Variants in MLIP observed in about 807,000 individuals in gnomAD.
MLIP encodes muscular LMNA interacting protein, also known as muscular LMNA-interacting protein.
A neutral mutation model predicts 84.8 loss-of-function variants in MLIP; 79 were observed. That is an observed-to-expected ratio of 0.93 (90% CI 0.78 to 1.12). The LOEUF (loss-of-function observed/expected upper bound fraction) is 1.12, where lower values mean the gene tolerates loss of function less well. Ranked by LOEUF, MLIP falls within the 50% of genes most tolerant of loss-of-function variation. The pLI is 0.00. For missense variants in MLIP, 1,257 were observed against 1,160.6 expected (o/e 1.08, Z -1.21); for synonymous variants, 504 against 463.0 (o/e 1.09, Z -1.14).
intron 1 of MLIP, chr6:54,019,243 C>T (rs1763366887): frequency 4.0e-6 from 3 of 750,492 alleles, no homozygotes; most frequent in Non-Finnish European, 6.6e-6. Flanking sequence ...CATGGGCTTT[C>T]CTGAAAATAA....
At chr6:54,169,622 T>C (rs758840745) in intron 9 of MLIP, 50 bp downstream of exon 9, 1 of 1,306,682 alleles carries the variant, frequency 7.7e-7, no homozygotes, top group South Asian at 1.4e-5. Flanking sequence ...GGTGCCTGTG[T>C]ATGCTTTAGA....
chr6:54,089,087 C>T (rs1263154137), intron 1 of MLIP, among the ~76,000 whole-genome samples: 2 of 152,138 alleles, frequency 1.3e-5, no homozygotes, highest in Admixed American at 1.3e-4. Flanking sequence ...CGACATACAA[C>T]ATTAGCCTCT....
chr6:54,242,078 T>A (rs1196905236), intron 12 of MLIP, among the ~76,000 whole-genome samples: 2 of 152,206 alleles, frequency 1.3e-5, no homozygotes, highest in Non-Finnish European at 2.9e-5. Context: ...GATTAGGGGT[T>A]GGCATACCTA....
intron 1 of MLIP, among the ~76,000 whole-genome samples, chr6:54,030,406 A>G (rs575627793): frequency 1.1e-4 from 17 of 152,280 alleles, no homozygotes; most frequent in African/African-American, 3.6e-4. Flanking sequence ...CAAAGCTGCT[A>G]GATTTGTCAA....
At position 54,217,799 on chromosome 6, in the gene MLIP, T is replaced by A. The variant is rs541956536; in HGVS notation, c.2719-12915T>A. Reference sequence around the variant, plus strand: ...AAACATGTCCAAGACTGTTTTATGATCCCTGTACATCCCTCAAAAACTAAA... The same window carrying A: ...AAACATGTCCAAGACTGTTTTATGAACCCTGTACATCCCTCAAAAACTAAA... On this transcript the variant is annotated intron_variant, in intron 11 of 13. Transcript: ENST00000502396. 2,593 of 984,660 alleles carry A rather than the reference T, an allele frequency of 2.6e-3. 6 individuals carry two copies. The highest frequency in any genetic ancestry group is 3.0e-3 in the Non-Finnish European group (2,524 of 829,358). 61.0% of individuals were successfully genotyped at this position (984,660 alleles called of 1,614,324 possible).
At chr6:54,207,894 G>A (rs1418297531) in intron 11 of MLIP, among the ~76,000 whole-genome samples, 1 of 152,154 alleles carries the variant, frequency 6.6e-6, no homozygotes, top group Admixed American at 6.5e-5. Flanking sequence ...GGGAGGCCGA[G>A]GTGGGCGGAT....
intron 11 of MLIP, among the ~76,000 whole-genome samples, chr6:54,208,854 C>T (rs1316986330): frequency 1.3e-5 from 2 of 152,176 alleles, no homozygotes; most frequent in Non-Finnish European, 2.9e-5. Flanking sequence ...CTGCCTCCCT[C>T]CCTCCCTACA....
In MLIP at chr6:54,257,359, G is replaced by A. The variant is rs776112436; in HGVS notation, c.2974G>A (p.Glu992Lys). 2.5e-6 allele frequency: 4 copies of A among 1,608,886 alleles called. No individual in the cohort carries two copies. In the South Asian group the frequency reaches 3.3e-5, roughly 13 times the overall value. The change falls in exon 13 of 14, where the codon GAG becomes AAG. Residue 992 changes from glutamate (E) to lysine (K), a missense_variant and splice_region_variant. Coordinates refer to ENST00000502396, the MANE Select transcript of MLIP (RefSeq NM_001281747.2). Reference protein sequence around the residue: ...IPEHEALDSKEQ With the variant: ...IPEHEALDSKKQ ...TGAACATGAAGCTCTTGATTCCAAA[G>A]AGGTAAATGTAAGATAGGACTGGAT...
At chr6:54,083,337 T>C in intron 1 of MLIP, 3 of 745,422 alleles carry the variant, frequency 4.0e-6, no homozygotes, top group Non-Finnish European at 6.1e-6. Flanking sequence ...AAGGTCAAGA[T>C]AGGTTAATAT....
At chr6:54,086,168 T>C (rs1767472995) in intron 1 of MLIP, among the ~76,000 whole-genome samples, 1 of 152,202 alleles carries the variant, frequency 6.6e-6, no homozygotes, top group South Asian at 2.1e-4. Flanking sequence ...ATTTACTCCT[T>C]GGCTAGGTAA....
chr6:54,030,719 A>T (rs2150281833), intron 1 of MLIP: 1 of 152,320 alleles, frequency 6.6e-6, no homozygotes, highest in Non-Finnish European at 1.5e-5. Flanking sequence ...TTTTCTAAAA[A>T]ATATGCAGTC....
chr6:54,182,256 G>A (rs1776952477), intron 9 of MLIP, among the ~76,000 whole-genome samples: 1 of 152,106 alleles, frequency 6.6e-6, no homozygotes, highest in Non-Finnish European at 1.5e-5. Context: ...GTGGGCACTG[G>A]CTGAGCCCAA....
rs75901812 is a variant in MLIP at position 54,027,593 on chromosome 6, C to T, written c.63+8502C>T. Among the ~76,000 whole-genome samples, 628 of 152,222 alleles carry T rather than the reference C, an allele frequency of 4.1e-3. 4 individuals carry two copies. The highest frequency in any genetic ancestry group is 0.014 in the African/African-American group (590 of 41,526). Reference sequence around the variant, plus strand: ...CACTGGTGGTTGAGGAAAAAGTGGACGCACAAGTATTGCCAAACTCTAGCC... The same window carrying T: ...CACTGGTGGTTGAGGAAAAAGTGGATGCACAAGTATTGCCAAACTCTAGCC... On this transcript the variant is annotated intron_variant, in intron 1 of 12. Coordinates refer to the MLIP transcript ENST00000274897.
intron 12 of MLIP, among the ~76,000 whole-genome samples, chr6:54,240,698 C>T (rs1179810429): frequency 6.6e-6 from 1 of 152,114 alleles, no homozygotes; most frequent in Non-Finnish European, 1.5e-5. Context: ...GATTCCTGGC[C>T]GGGCACCGTG....
chr6:54,187,648 G>A (rs891701701), intron 9 of MLIP, among the ~76,000 whole-genome samples: 1 of 152,092 alleles, frequency 6.6e-6, no homozygotes, highest in African/African-American at 2.4e-5. Context: ...ACAGTATAAA[G>A]TGACAAAAAT....
At chr6:54,093,649 A>G (rs1285286820) in intron 1 of MLIP, among the ~76,000 whole-genome samples, 3 of 152,206 alleles carry the variant, frequency 2.0e-5, no homozygotes, top group Non-Finnish European at 4.4e-5. Context: ...TGGCTAGTCC[A>G]GAAAGCACTT....
At chr6:54,129,311 A>C (rs1233782019) in intron 3 of MLIP, among the ~76,000 whole-genome samples, 1 of 152,054 alleles carries the variant, frequency 6.6e-6, no homozygotes, top group Non-Finnish European at 1.5e-5. Context: ...AGATTCCTGA[A>C]CCCCTTGAAC....
chr6:54,019,804 A>T (rs1763396966), intron 1 of MLIP, among the ~76,000 whole-genome samples: 1 of 152,152 alleles, frequency 6.6e-6, no homozygotes, highest in South Asian at 2.1e-4. Flanking sequence ...ATAGCCCATA[A>T]TAAGACCAAA....
chr6:54,036,660 T>C (rs1275835959), intron 1 of MLIP, among the ~76,000 whole-genome samples: 6 of 151,970 alleles, frequency 3.9e-5, no homozygotes, highest in Non-Finnish European at 8.8e-5. Context: ...GTACAATCAA[T>C]ATGAAAAACA....
Sources: allele counts gnomAD v4.1 joint callset (sites outside exome capture counted in the v4.1 genomes callset), GRCh38; gene constraint gnomAD v4.1.1; transcripts MANE v1.5; gene names NCBI Gene and HGNC (gene_info 2026-07-23, HGNC 2026-07-21).